The following KCNH8 variants were observed in gnomAD, a reference collection of about 807,000 sequenced individuals.
KCNH8 encodes potassium voltage-gated channel subfamily H member 8.
A neutral mutation model predicts 103.6 loss-of-function variants in KCNH8; 70 were observed. The ratio of observed to expected loss-of-function variants is 0.68; its 90% confidence interval spans 0.56 to 0.82. The LOEUF is 0.82. Ranked by LOEUF, KCNH8 falls within the 40% of genes least tolerant of loss-of-function variation. The pLI, the probability that KCNH8 is intolerant of heterozygous loss-of-function variation, is 0.00. For synonymous variants in KCNH8, 498 were observed against 489.4 expected, an observed-to-expected ratio of 1.02 and a Z score of -0.23; for missense variants, 1,217 against 1,329.9, an observed-to-expected ratio of 0.92 and a Z score of 1.32.
intron 11 of KCNH8, among the ~76,000 whole-genome samples, chr3:19,459,815 A>C (rs1286175278): frequency 6.6e-6 from 1 of 152,076 alleles, no homozygotes; most frequent in Non-Finnish European, 1.5e-5. Flanking sequence ...CTGCATGTGG[A>C]AAAGGAATTT....
In KCNH8 at chr3:19,510,415, TACAC is replaced by T; in HGVS notation, c.2079+16_2079+19del. ...ATGGTCTCACAGGTATGGCTTTTGCTACACAGCAAAATATTTATCTAAAATCTGG... is the reference window on the plus strand; with the variant it reads ...ATGGTCTCACAGGTATGGCTTTTGCTAGCAAAATATTTATCTAAAATCTGG... On this transcript the variant is annotated intron_variant, in intron 12 of 15. Transcript: ENST00000328405. The T allele has an allele frequency of 6.7e-7, 1 of 1,501,662 alleles. No individual in the cohort carries two copies. The highest frequency in any genetic ancestry group is 9.3e-7 in the Non-Finnish European group (1 of 1,077,792). 93.0% of individuals were successfully genotyped at this position (1,501,662 alleles called of 1,614,324 possible).
chr3:19,531,439 G>T (rs1288013280), intron 15 of KCNH8, among the ~76,000 whole-genome samples: 1 of 152,164 alleles, frequency 6.6e-6, no homozygotes, highest in African/African-American at 2.4e-5. Flanking sequence ...CATATTCATT[G>T]TTTCAGTTCT....
intron 2 of KCNH8, among the ~76,000 whole-genome samples, chr3:19,264,644 C>G (rs1022519803): frequency 2.0e-5 from 3 of 152,078 alleles, no homozygotes; most frequent in African/African-American, 4.8e-5. Context: ...TTCCTCCATA[C>G]TTTCACTTCT....
At chr3:19,276,173 A>ATGTGTG (rs1270158131) in intron 2 of KCNH8, among the ~76,000 whole-genome samples, 2 of 107,122 alleles carry the variant, frequency 1.9e-5, no homozygotes, top group African/African-American at 8.6e-5. Flanking sequence ...CCCAATATGT[A>ATGTGTG]TATGTGTGTG....
At chr3:19,419,201 T>TG (rs1459623200) in intron 7 of KCNH8, among the ~76,000 whole-genome samples, 20 of 136,670 alleles carry the variant, frequency 1.5e-4, no homozygotes, top group African/African-American at 3.1e-4. Context: ...TTTGGTTTTT[T>TG]TTTTTTTTTT....
chr3:19,425,570 C>T (rs1441864838), intron 7 of KCNH8, among the ~76,000 whole-genome samples: 2 of 152,104 alleles, frequency 1.3e-5, no homozygotes, highest in Non-Finnish European at 2.9e-5. Flanking sequence ...TTTTAGTCCC[C>T]TGGTTCAAGG....
At chr3:19,216,658 T>C (rs7427755) in intron 1 of KCNH8, among the ~76,000 whole-genome samples, 14,609 of 152,196 alleles carry the variant, frequency 0.096, 2,358 homozygotes, top group African/African-American at 0.33. Context: ...TTAGTCCCTT[T>C]TGTGTAACTT....
chr3:19,353,897 G>A (rs535189130), intron 5 of KCNH8, among the ~76,000 whole-genome samples: 9 of 152,260 alleles, frequency 5.9e-5, no homozygotes, highest in African/African-American at 2.2e-4. Context: ...AATCAGGCAG[G>A]AGAAAGAAAT....
intron 3 of KCNH8, among the ~76,000 whole-genome samples, chr3:19,308,299 AAAG>A (rs200171255): frequency 9.4e-5 from 14 of 148,654 alleles, no homozygotes; most frequent in South Asian, 2.2e-4. Flanking sequence ...TAAAAAAAAA[AAAG>A]GTGATGATTA....
intron 1 of KCNH8, among the ~76,000 whole-genome samples, chr3:19,208,718 G>C (rs191959801): frequency 6.6e-6 from 1 of 152,084 alleles, no homozygotes; most frequent in Non-Finnish European, 1.5e-5. Context: ...TTTAAGGAAA[G>C]GAGAGATCCA....
chr3:19,348,867 TC>T (rs2065762159), intron 5 of KCNH8, among the ~76,000 whole-genome samples: 1 of 151,702 alleles, frequency 6.6e-6, no homozygotes. Flanking sequence ...GTGAGGCACA[TC>T]AAAACCTTGG....
At chr3:19,493,407 G>A (rs775728186) in intron 11 of KCNH8, among the ~76,000 whole-genome samples, 4 of 152,060 alleles carry the variant, frequency 2.6e-5, no homozygotes, top group South Asian at 2.1e-4. Flanking sequence ...TGCTGCTCTC[G>A]TGATAGTGAG....
chr3:19,478,712 A>T (rs1249442603), intron 11 of KCNH8, among the ~76,000 whole-genome samples: 1 of 152,118 alleles, frequency 6.6e-6, no homozygotes, highest in Non-Finnish European at 1.5e-5. Flanking sequence ...CACTTTTGAG[A>T]AGAGGAAATG....
At position 19,450,316 on chromosome 3, in the gene KCNH8, T is replaced by C. The variant is rs1359143621; in HGVS notation, c.1575+11T>C. ...ATAGATTCAAATGAGGTAATGTTCA[T>C]TTCTCATGTTGTTTTCAGGCAGAAA... On this transcript the variant is annotated intron_variant, in intron 9 of 15. Transcript: ENST00000328405. The C allele has an allele frequency of 1.6e-5, 25 of 1,601,654 alleles. No individual in the cohort carries two copies. Among genetic ancestry groups the C allele is most frequent in the Non-Finnish European group, 2.1e-5 (24 of 1,168,946 alleles).
chr3:19,218,483 G>A (rs771629910), intron 1 of KCNH8, among the ~76,000 whole-genome samples: 6 of 152,152 alleles, frequency 3.9e-5, no homozygotes, highest in Non-Finnish European at 5.9e-5. Context: ...AAATCGAACT[G>A]CTCCAGAACT....
chr3:19,210,553 G>T (rs899350744), intron 1 of KCNH8, among the ~76,000 whole-genome samples: 3 of 150,664 alleles, frequency 2.0e-5, no homozygotes, highest in African/African-American at 7.5e-5. Context: ...CTTCCTGAAT[G>T]CCCATTTAAA....
chr3:19,436,293 A>C (rs1174930618), intron 7 of KCNH8, among the ~76,000 whole-genome samples: 1 of 152,106 alleles, frequency 6.6e-6, no homozygotes, highest in Admixed American at 6.6e-5. Context: ...GGAAAAAAAA[A>C]ATTTGAGCAG....
chr3:19,202,096 T>C (rs2063668981), intron 1 of KCNH8, among the ~76,000 whole-genome samples: 1 of 151,898 alleles, frequency 6.6e-6, no homozygotes, highest in African/African-American at 2.4e-5. Context: ...GTTAGGAGAG[T>C]TGGGTTTAAA....
intron 15 of KCNH8, 137 bp from the exon 16 acceptor site, chr3:19,533,258 G>A: frequency 3.2e-6 from 2 of 619,676 alleles, no homozygotes; most frequent in Non-Finnish European, 5.5e-6. Context: ...CCAAGCAAAT[G>A]CTAAAATGTT....
Sources: allele counts gnomAD v4.1 joint callset (sites outside exome capture counted in the v4.1 genomes callset), GRCh38; gene constraint gnomAD v4.1.1; transcripts MANE v1.5; gene names NCBI Gene and HGNC (gene_info 2026-07-23, HGNC 2026-07-21).